The following CES5A variants were observed in gnomAD, a reference collection of about 807,000 sequenced individuals.
CES5A encodes carboxylesterase 5A.
Under a neutral mutation model 62.9 loss-of-function variants are expected in CES5A, and 67 were observed. That is an observed-to-expected ratio of 1.07 (90% CI 0.88 to 1.31). The LOEUF (loss-of-function observed/expected upper bound fraction) is 1.31. Ranked by LOEUF, CES5A falls within the 50% of genes most tolerant of loss-of-function variation. The pLI is 0.00. For missense variants in CES5A, 748 were observed against 708.5 expected (o/e 1.06, Z -0.63); for synonymous variants, 296 against 280.8 (o/e 1.05, Z -0.54).
intron 2 of CES5A, among the ~76,000 whole-genome samples, chr16:55,941,471 T>C (rs919295044): frequency 3.9e-5 from 6 of 152,018 alleles, no homozygotes; most frequent in Admixed American, 3.9e-4. Flanking sequence ...AAAGAAGACC[T>C]CAATAAATGG....
intron 2 of CES5A, among the ~76,000 whole-genome samples, chr16:55,935,354 A>G (rs2034362698): frequency 6.6e-6 from 1 of 152,200 alleles, no homozygotes; most frequent in Admixed American, 6.5e-5. Flanking sequence ...TTTCTGTTCT[A>G]TTTCAGCTTT....
At chr16:55,849,115 T>C (rs1190359662) in intron 11 of CES5A, among the ~76,000 whole-genome samples, 3 of 152,230 alleles carry the variant, frequency 2.0e-5, no homozygotes, top group African/African-American at 7.2e-5. Flanking sequence ...TCTGATTGGT[T>C]TATTTTAGGC....
intron 2 of CES5A, among the ~76,000 whole-genome samples, chr16:55,948,132 G>A (rs1232736298): frequency 6.6e-6 from 1 of 152,146 alleles, no homozygotes; most frequent in Non-Finnish European, 1.5e-5. Flanking sequence ...TTTTGCCCAG[G>A]TTGAGGACGT....
At chr16:55,884,579 A>ACC (rs2033795293) in intron 1 of CES5A, among the ~76,000 whole-genome samples, 1 of 151,462 alleles carries the variant, frequency 6.6e-6, no homozygotes, top group Non-Finnish European at 1.5e-5. Context: ...GCCACCCCAC[A>ACC]ACCACCACTA....
chr16:55,870,718 A>C (rs2033565540), intron 3 of CES5A, among the ~76,000 whole-genome samples: 1 of 152,192 alleles, frequency 6.6e-6, no homozygotes, highest in African/African-American at 2.4e-5. Context: ...GGGAAGAGTA[A>C]AATTTTTATT....
At chr16:55,925,474 A>T (rs1460886997), upstream of CES5A, 14 of 152,060 alleles carry the variant, frequency 9.2e-5, no homozygotes, top group Admixed American at 9.2e-4. Context: ...AAAACTAAAA[A>T]TAGAAGCACC....
chr16:55,909,232 C>G (rs889803411), intron 1 of CES5A, among the ~76,000 whole-genome samples: 11 of 152,290 alleles, frequency 7.2e-5, no homozygotes, highest in Non-Finnish European at 8.8e-5. Flanking sequence ...TTTTCTCATT[C>G]CTTTCCACTT....
chr16:55,882,190 T>C (rs2033768680), intron 1 of CES5A, among the ~76,000 whole-genome samples: 1 of 152,184 alleles, frequency 6.6e-6, no homozygotes, highest in Non-Finnish European at 1.5e-5. Context: ...GAGAGGACTA[T>C]GCAATGTCAC....
chr16:55,955,218 T>C (rs1306240966), intron 1 of CES5A, among the ~76,000 whole-genome samples: 1 of 152,126 alleles, frequency 6.6e-6, no homozygotes, highest in Non-Finnish European at 1.5e-5. Flanking sequence ...TTTTCCCTTC[T>C]TTTTCAAATA....
rs545363920 is a variant in CES5A, at chr16:55,904,455, G to A, written c.-256+20868C>T. Among the ~76,000 whole-genome samples the A allele has an allele frequency of 6.6e-5, 10 of 152,226 alleles. No individual in the cohort carries two copies. In the South Asian group the frequency reaches 1.9e-3, roughly 28 times the overall value. On this transcript the variant is annotated intron_variant, in intron 1 of 12. Coordinates refer to the CES5A transcript ENST00000518005. ...CATAGAAAGTCTGAGAAGGCCAAAG[G>A]AAGGCAGATCATAAGCCACCAACTA...
chr16:55,869,575 G>A lies in CES5A; in HGVS notation c.551+36C>T, dbSNP rs1212526464. 4.4e-6 allele frequency: 7 copies of A among 1,607,320 alleles called. No homozygotes were observed. In the South Asian group the frequency reaches 5.6e-5, roughly 13 times the overall value. On this transcript the variant is annotated intron_variant, in intron 4 of 12. Transcript: ENST00000290567. The stretch of plus-strand genomic sequence containing the variant: ...TATGGCTACTGCACTGCTGCCCTTT[G>A]GGGATCTGGGATGTCCATCATTTGG...
intron 3 of CES5A, among the ~76,000 whole-genome samples, chr16:55,870,962 G>A (rs529075143): frequency 2.0e-5 from 3 of 152,290 alleles, no homozygotes; most frequent in Non-Finnish European, 2.9e-5. Context: ...AGTCACTTAT[G>A]CCCTTCCTGT....
intron 1 of CES5A, among the ~76,000 whole-genome samples, chr16:55,920,500 T>A (rs1433843862): frequency 6.6e-6 from 1 of 152,156 alleles, no homozygotes; most frequent in Non-Finnish European, 1.5e-5. Context: ...ACTGCTGAGG[T>A]ATCCCCTTTG....
At chr16:55,871,454 C>T (rs1324010793) in intron 3 of CES5A, among the ~76,000 whole-genome samples, 171 bp downstream of exon 3, 1 of 152,190 alleles carries the variant, frequency 6.6e-6, no homozygotes, top group African/African-American at 2.4e-5. Flanking sequence ...ATCAGAAAAA[C>T]TGATCATGTG....
At chr16:55,864,541 G>A (rs111843110) in intron 5 of CES5A, among the ~76,000 whole-genome samples, 356 of 152,288 alleles carry the variant, frequency 2.3e-3, no homozygotes, top group Non-Finnish European at 3.7e-3. Flanking sequence ...AACTGTATGT[G>A]TACAAAGAAA....
intron 1 of CES5A, among the ~76,000 whole-genome samples, chr16:55,888,693 G>A (rs1225410248): frequency 6.6e-6 from 1 of 152,208 alleles, no homozygotes; most frequent in Non-Finnish European, 1.5e-5. Context: ...CAGTCACTGT[G>A]CTAAGCACTT....
chr16:55,875,288 A>G lies in CES5A; in HGVS notation c.-67T>C, dbSNP rs1217690361. ...CTGGCCTCAGAGAGCTTCAGTTGGG[A>G]GCCAGAAAGAGCTTCCTGTTAACAG... On this transcript the variant is annotated 5_prime_UTR_variant, in exon 1 of 13. Coordinates refer to ENST00000290567, the MANE Select transcript of CES5A (RefSeq NM_001143685.2). 2 of 1,578,144 alleles carry G rather than the reference A, an allele frequency of 1.3e-6. No homozygotes were observed. The highest frequency in any genetic ancestry group is 1.4e-5 in the African/African-American group (1 of 73,082).
rs539228517 is a variant in CES5A at position 55,918,671 on chromosome 16, C to T, written c.-256+6652G>A. ...AGAGGTGAAGTTATTTGCCCAGGAG[C>T]TTACAGATAAGCAAGCAAATTGATG... On this transcript the variant is annotated intron_variant, in intron 1 of 12. Coordinates refer to the CES5A transcript ENST00000518005. 1.5e-4 allele frequency among the ~76,000 whole-genome samples: 23 copies of T among 152,278 alleles called. No individual in the cohort carries two copies. The South Asian group carries it at 4.8e-3, about 32-fold the overall frequency.
intron 5 of CES5A, among the ~76,000 whole-genome samples, chr16:55,863,741 TTTTTTATTTC>T (rs1323595434): frequency 6.7e-6 from 1 of 150,370 alleles, no homozygotes; most frequent in African/African-American, 2.5e-5. Context: ...TGCTTAATAT[TTTTTTATTTC>T]TTTTTATTTC....
Sources: allele counts gnomAD v4.1 joint callset (sites outside exome capture counted in the v4.1 genomes callset), GRCh38; gene constraint gnomAD v4.1.1; transcripts MANE v1.5; gene names NCBI Gene and HGNC (gene_info 2026-07-23, HGNC 2026-07-21).